SPIDR: variants seen among roughly 807,000 people sequenced by gnomAD.
SPIDR encodes scaffold protein involved in DNA repair, also known as DNA repair-scaffolding protein.
In SPIDR, 93 loss-of-function variants were observed where a neutral mutation model predicts 104.6. The observed-to-expected ratio is 0.89, with a 90% CI of 0.75 to 1.06. SPIDR has a LOEUF of 1.06. SPIDR is among the 50% of genes least tolerant of loss of function. SPIDR has a pLI of 0.00. For missense variants in SPIDR, 1,154 were observed against 1,111.2 expected (o/e 1.04, Z -0.55); for synonymous variants, 431 against 416.9 (o/e 1.03, Z -0.41).
intron 8 of SPIDR, among the ~76,000 whole-genome samples, chr8:47,539,603 T>G (rs1234652663): frequency 6.6e-6 from 1 of 152,222 alleles, no homozygotes. Context: ...TTTGGCCACT[T>G]GACTGTTATT....
chr8:47,585,130 C>T (rs959125450), intron 8 of SPIDR, among the ~76,000 whole-genome samples: 3 of 152,042 alleles, frequency 2.0e-5, no homozygotes, highest in Non-Finnish European at 2.9e-5. Context: ...TAATCATATG[C>T]CTCCGTGTTA....
intron 5 of SPIDR, among the ~76,000 whole-genome samples, chr8:47,386,558 C>G (rs2059928446): frequency 6.6e-6 from 1 of 152,062 alleles, no homozygotes; most frequent in African/African-American, 2.4e-5. Context: ...CTGCTTCCTA[C>G]CTCTGTTACT....
intron 8 of SPIDR, among the ~76,000 whole-genome samples, chr8:47,536,028 A>G (rs570132714): frequency 6.6e-6 from 1 of 152,262 alleles, no homozygotes; most frequent in Admixed American, 6.5e-5. Flanking sequence ...ATGAACAATT[A>G]GAGAATAAAA....
At chr8:47,370,867 A>C (rs1329144543) in intron 5 of SPIDR, among the ~76,000 whole-genome samples, 1 of 152,044 alleles carries the variant, frequency 6.6e-6, no homozygotes, top group Non-Finnish European at 1.5e-5. Flanking sequence ...TTTCAACCAC[A>C]GTTCCCTGTA....
intron 8 of SPIDR, among the ~76,000 whole-genome samples, chr8:47,563,143 G>A (rs963144327): frequency 2.0e-5 from 3 of 151,524 alleles, no homozygotes; most frequent in African/African-American, 7.3e-5. Flanking sequence ...CTGAGGGAGT[G>A]AGGGAGGCAG....
At chr8:47,698,220 CTG>C (rs966579014) in intron 11 of SPIDR, among the ~76,000 whole-genome samples, 3 of 151,750 alleles carry the variant, frequency 2.0e-5, no homozygotes, top group Non-Finnish European at 2.9e-5. Context: ...CCCTGTCAGA[CTG>C]TTTGTTGCTT....
chr8:47,508,886 G>A (rs2081897390), intron 8 of SPIDR, among the ~76,000 whole-genome samples: 1 of 152,086 alleles, frequency 6.6e-6, no homozygotes, highest in Non-Finnish European at 1.5e-5. Flanking sequence ...CTTTGGGAAT[G>A]GGTAGAAGAA....
chr8:47,735,300 A>G lies in SPIDR; in HGVS notation c.2605-7A>G, dbSNP rs2086114459. On this transcript the variant is annotated splice_polypyrimidine_tract_variant and splice_region_variant and intron_variant, in intron 19 of 19. Transcript: ENST00000297423. Reference sequence around the variant, plus strand: ...TGCTTTAACCAGCGTGCCTTTTATCACTGCAGAGCTACGAAGTGAAGAGTG... The same window carrying G: ...TGCTTTAACCAGCGTGCCTTTTATCGCTGCAGAGCTACGAAGTGAAGAGTG... The G allele has an allele frequency of 6.2e-7, 1 of 1,613,662 alleles. No homozygotes were observed. The highest frequency in any genetic ancestry group is 8.5e-7 in the Non-Finnish European group (1 of 1,179,932).
rs2040396367 is a variant in SPIDR, at chr8:47,294,040, A to T, written c.525+10A>T. 5.6e-6 allele frequency: 9 copies of T among 1,605,110 alleles called. No homozygotes were observed. Among genetic ancestry groups the T allele is most frequent in the Non-Finnish European group, 7.6e-6 (9 of 1,176,966 alleles). The stretch of plus-strand genomic sequence containing the variant: ...GTCGGAGCTTCCCAAGGTAAGAATG[A>T]AGTATTTCAAAACTTTTATTCACTT... On this transcript the variant is annotated intron_variant, in intron 5 of 19. Coordinates refer to ENST00000297423, the MANE Select transcript of SPIDR (RefSeq NM_001080394.4).
At chr8:47,511,708 G>GTAC in intron 8 of SPIDR, 1 of 1,078,462 alleles carries the variant, frequency 9.3e-7, no homozygotes, top group Non-Finnish European at 1.4e-6. Context: ...TGGTCTTGGT[G>GTAC]TACTGGTCTC....
intron 8 of SPIDR, among the ~76,000 whole-genome samples, chr8:47,546,144 C>T (rs1317031751): frequency 6.6e-6 from 1 of 152,054 alleles, no homozygotes; most frequent in Non-Finnish European, 1.5e-5. Context: ...AGTATTCCCT[C>T]CTCTTCTATT....
intron 6 of SPIDR, among the ~76,000 whole-genome samples, chr8:47,400,492 T>C (rs966818648): frequency 3.3e-5 from 5 of 152,290 alleles, no homozygotes; most frequent in East Asian, 1.9e-4. Context: ...CTGCCTTGTC[T>C]GCTTTTGATG....
intron 7 of SPIDR, among the ~76,000 whole-genome samples, chr8:47,409,373 A>G (rs1588323724): frequency 6.6e-6 from 1 of 152,042 alleles, no homozygotes; most frequent in Non-Finnish European, 1.5e-5. Flanking sequence ...ATTGCTTGAT[A>G]TTGAAAAGAT....
At chr8:47,570,653 A>G (rs1482300887) in intron 8 of SPIDR, among the ~76,000 whole-genome samples, 1 of 152,228 alleles carries the variant, frequency 6.6e-6, no homozygotes, top group African/African-American at 2.4e-5. Flanking sequence ...TATGCAGATC[A>G]TATATTTGAT....
At chr8:47,376,614 A>AAT (rs1554642553) in intron 5 of SPIDR, among the ~76,000 whole-genome samples, 1 of 152,226 alleles carries the variant, frequency 6.6e-6, no homozygotes, top group African/African-American at 2.4e-5. Context: ...CCCATACATC[A>AAT]ATGTCTCTTC....
chr8:47,564,265 G>T (rs1291214634), intron 8 of SPIDR, among the ~76,000 whole-genome samples: 1 of 151,464 alleles, frequency 6.6e-6, no homozygotes, highest in African/African-American at 2.4e-5. Flanking sequence ...TATTAGTAGA[G>T]ACCGGGTTTC....
chr8:47,421,513 A>G (rs1554680575), intron 7 of SPIDR, among the ~76,000 whole-genome samples: 1 of 152,118 alleles, frequency 6.6e-6, no homozygotes. Flanking sequence ...CCATTCGTCT[A>G]ATCTTTTTTC....
chr8:47,285,718 C>T (rs2038710386), intron 3 of SPIDR, among the ~76,000 whole-genome samples: 1 of 152,142 alleles, frequency 6.6e-6, no homozygotes, highest in Non-Finnish European at 1.5e-5. Flanking sequence ...TGGATTAAGG[C>T]CCACCCTAAT....
At chr8:47,294,787 C>T (rs2040544654) in intron 5 of SPIDR, among the ~76,000 whole-genome samples, 1 of 152,088 alleles carries the variant, frequency 6.6e-6, no homozygotes, top group Non-Finnish European at 1.5e-5. Context: ...TGTGCCACCA[C>T]GTCTGGCTAA....
Sources: allele counts gnomAD v4.1 joint callset (sites outside exome capture counted in the v4.1 genomes callset), GRCh38; gene constraint gnomAD v4.1.1; transcripts MANE v1.5; gene names NCBI Gene and HGNC (gene_info 2026-07-23, HGNC 2026-07-21).